CDH8: variants seen among roughly 807,000 people sequenced by gnomAD.
CDH8 encodes the protein cadherin 8.
CDH8 carries 17 observed loss-of-function variants against 68.1 expected under a neutral mutation model. The observed-to-expected ratio is 0.25, with a 90% CI of 0.17 to 0.37. The LOEUF is 0.37. Ranked by LOEUF, CDH8 falls within the 10% of genes least tolerant of loss-of-function variation. The pLI is 1.00. For missense variants in CDH8, 763 were observed against 999.3 expected (o/e 0.76, Z 3.19); for synonymous variants, 372 against 365.1 (o/e 1.02, Z -0.21).
At chr16:61,813,480 G>A (rs985779460) in intron 7 of CDH8, among the ~76,000 whole-genome samples, 2 of 152,154 alleles carry the variant, frequency 1.3e-5, no homozygotes, top group Non-Finnish European at 2.9e-5. Flanking sequence ...CCCCGCAAGT[G>A]TTTACATCAG....
At chr16:61,766,918 A>C (rs955112400) in intron 8 of CDH8, among the ~76,000 whole-genome samples, 2 of 151,998 alleles carry the variant, frequency 1.3e-5, no homozygotes, top group Non-Finnish European at 2.9e-5. Flanking sequence ...AAAATGCAGG[A>C]CTAACCTTTG....
intron 10 of CDH8, among the ~76,000 whole-genome samples, chr16:61,681,603 G>A (rs1235697546): frequency 1.3e-5 from 2 of 151,358 alleles, no homozygotes; most frequent in African/African-American, 2.4e-5. Flanking sequence ...ACATGGTGCT[G>A]ATGGTTGCAC....
chr16:61,972,574 GTGT>G (rs1567551779), intron 2 of CDH8, among the ~76,000 whole-genome samples: 455 of 107,228 alleles, frequency 4.2e-3, no homozygotes, highest in African/African-American at 9.0e-3. Flanking sequence ...CATTGTGGGT[GTGT>G]GTGTGTGTGT....
At chr16:61,996,807 C>T (rs1965811180) in intron 2 of CDH8, among the ~76,000 whole-genome samples, 1 of 152,006 alleles carries the variant, frequency 6.6e-6, no homozygotes, top group African/African-American at 2.4e-5. Flanking sequence ...TCTCGAACTC[C>T]CGGGCTCAAG....
chr16:61,947,046 G>T (rs909960529), intron 2 of CDH8, among the ~76,000 whole-genome samples: 23 of 152,172 alleles, frequency 1.5e-4, no homozygotes, highest in African/African-American at 5.3e-4. Flanking sequence ...CCAGGTAGAT[G>T]TCAGTATAAG....
At chr16:62,023,915 A>G (rs1902134776) in intron 1 of CDH8, among the ~76,000 whole-genome samples, 2 of 152,076 alleles carry the variant, frequency 1.3e-5, no homozygotes, top group Non-Finnish European at 1.5e-5. Flanking sequence ...TTGTTTGTTT[A>G]TTTGTTTACT....
intron 2 of CDH8, among the ~76,000 whole-genome samples, chr16:61,946,130 C>T (rs1258789135): frequency 6.6e-6 from 1 of 152,144 alleles, no homozygotes; most frequent in Non-Finnish European, 1.5e-5. Context: ...CACAGGAAAA[C>T]ATACACACAT....
chr16:61,853,011 C>G (rs141691035), intron 4 of CDH8, among the ~76,000 whole-genome samples: 3 of 151,958 alleles, frequency 2.0e-5, no homozygotes, highest in African/African-American at 7.2e-5. Flanking sequence ...TTTGCAAAAT[C>G]AACAAATCAT....
chr16:61,854,846 T>TA (rs764602145), intron 4 of CDH8, among the ~76,000 whole-genome samples: 7 of 152,128 alleles, frequency 4.6e-5, no homozygotes, highest in Non-Finnish European at 7.4e-5. Flanking sequence ...TCCTCAAAGA[T>TA]AGAGTCTAAT....
At chr16:61,926,661 T>C (rs960127039) in intron 2 of CDH8, among the ~76,000 whole-genome samples, 3 of 152,202 alleles carry the variant, frequency 2.0e-5, no homozygotes, top group Non-Finnish European at 4.4e-5. Context: ...GTGTGCTCAG[T>C]CACAGGAGGC....
intron 2 of CDH8, among the ~76,000 whole-genome samples, chr16:61,917,382 C>G (rs753014081): frequency 6.6e-6 from 1 of 152,176 alleles, no homozygotes; most frequent in African/African-American, 2.4e-5. Context: ...ACTGGTCAGA[C>G]AGCCTGGGCT....
chr16:61,854,772 G>A (rs1245592083), intron 4 of CDH8, among the ~76,000 whole-genome samples: 1 of 151,888 alleles, frequency 6.6e-6, no homozygotes, highest in African/African-American at 2.4e-5. Context: ...TGCTTAGCTT[G>A]TATAACCTCC....
At chr16:61,772,477 C>T (rs1243249595) in intron 8 of CDH8, among the ~76,000 whole-genome samples, 1 of 152,024 alleles carries the variant, frequency 6.6e-6, no homozygotes, top group Non-Finnish European at 1.5e-5. Context: ...GGCATTAACA[C>T]ATGCAGTTAT....
intron 8 of CDH8, among the ~76,000 whole-genome samples, chr16:61,740,854 C>A (rs1165028084): frequency 6.6e-6 from 1 of 152,008 alleles, no homozygotes; most frequent in Non-Finnish European, 1.5e-5. Context: ...TAAATATTTT[C>A]TATATGTCTT....
intron 2 of CDH8, among the ~76,000 whole-genome samples, chr16:61,991,890 G>T (rs1965727484): frequency 6.6e-6 from 1 of 152,132 alleles, no homozygotes; most frequent in African/African-American, 2.4e-5. Context: ...TGCTAAAACT[G>T]GTCATTTTGA....
intron 4 of CDH8, among the ~76,000 whole-genome samples, chr16:61,827,571 G>A (rs1962367587): frequency 6.6e-6 from 1 of 151,832 alleles, no homozygotes; most frequent in Admixed American, 6.6e-5. Flanking sequence ...AATTAAAATA[G>A]TTTTTTTACT....
At chr16:61,740,856 A>G (rs1404423583) in intron 8 of CDH8, among the ~76,000 whole-genome samples, 5 of 152,114 alleles carry the variant, frequency 3.3e-5, no homozygotes, top group Admixed American at 2.6e-4. Flanking sequence ...AATATTTTCT[A>G]TATGTCTTCT....
At chr16:61,864,456 A>G (rs1567505757) in intron 3 of CDH8, among the ~76,000 whole-genome samples, 1 of 152,144 alleles carries the variant, frequency 6.6e-6, no homozygotes, top group Non-Finnish European at 1.5e-5. Context: ...TATGCAGCCC[A>G]TGCATTCATT....
At chr16:61,665,915 C>T (rs1397487355) in intron 10 of CDH8, among the ~76,000 whole-genome samples, 1 of 148,154 alleles carries the variant, frequency 6.7e-6, no homozygotes, top group Non-Finnish European at 1.5e-5. Flanking sequence ...TCCCTTATCA[C>T]AGTTTCATTT....
Sources: gnomAD v4.1 joint callset for allele counts (sites outside exome capture counted in the v4.1 genomes callset) on GRCh38, gnomAD v4.1.1 for gene constraint, MANE v1.5 for transcripts, NCBI Gene and HGNC (gene_info 2026-07-23, HGNC 2026-07-21) for gene names.